RAB3C: variants seen among roughly 807,000 people sequenced by gnomAD.
RAB3C encodes RAB3C, member RAS oncogene family.
Under a neutral mutation model 26.4 loss-of-function variants are expected in RAB3C, and 17 were observed. The ratio of observed to expected loss-of-function variants is 0.64; its 90% CI spans 0.44 to 0.97. The LOEUF is 0.97. Among genes scored for constraint, RAB3C ranks in the 50% least tolerant of loss-of-function variants. The probability of loss-of-function intolerance (pLI) is 0.00; values close to 1 mark genes in which losing one functional copy is unlikely to be tolerated. For missense variants in RAB3C, 242 were observed against 281.9 expected (o/e 0.86, Z 1.01); for synonymous variants, 91 against 95.9 (o/e 0.95, Z 0.30).
chr5:58,768,126 G>C (rs1741948038), intron 3 of RAB3C, among the ~76,000 whole-genome samples: 1 of 152,184 alleles, frequency 6.6e-6, no homozygotes, highest in South Asian at 2.1e-4. Flanking sequence ...AGACAGGTCA[G>C]AGTGGAAGGC....
intron 2 of RAB3C, among the ~76,000 whole-genome samples, chr5:58,687,742 G>T (rs1280313831): frequency 6.6e-6 from 1 of 152,086 alleles, no homozygotes; most frequent in Non-Finnish European, 1.5e-5. Flanking sequence ...CATTAGTGCA[G>T]TTCATCCTAC....
chr5:58,645,937 C>A (rs762681310), intron 2 of RAB3C, among the ~76,000 whole-genome samples: 137 of 152,266 alleles, frequency 9.0e-4, no homozygotes, highest in African/African-American at 2.5e-3. Context: ...GAGACTGATT[C>A]CAGAAACAAA....
At chr5:58,593,827 A>G (rs537345423) in intron 1 of RAB3C, among the ~76,000 whole-genome samples, 1 of 152,308 alleles carries the variant, frequency 6.6e-6, no homozygotes, top group Admixed American at 6.5e-5. Flanking sequence ...TCAGTCCTCT[A>G]GTGAATGGTG....
intron 2 of RAB3C, among the ~76,000 whole-genome samples, chr5:58,701,203 A>G (rs1481818746): frequency 1.3e-5 from 2 of 151,990 alleles, no homozygotes; most frequent in African/African-American, 2.4e-5. Context: ...GGGTTTCACC[A>G]TGTTAGCCAG....
chr5:58,738,983 T>A (rs1741215769), intron 3 of RAB3C, among the ~76,000 whole-genome samples: 1 of 152,212 alleles, frequency 6.6e-6, no homozygotes, highest in African/African-American at 2.4e-5. Context: ...GAAGTTTTGA[T>A]AAGAGCCTAT....
chr5:58,822,873 A>G, intron 3 of RAB3C: 1 of 638,514 alleles, frequency 1.6e-6, no homozygotes, highest in Non-Finnish European at 3.0e-6. Context: ...TATGAAGGCC[A>G]AGTGGAGATG....
chr5:58,729,706 A>T (rs1430598993), intron 3 of RAB3C, among the ~76,000 whole-genome samples: 1 of 148,064 alleles, frequency 6.8e-6, no homozygotes, highest in Non-Finnish European at 1.5e-5. Flanking sequence ...CATTGTGTGT[A>T]TGTGTATATA....
At chr5:58,769,668 G>A (rs887566768) in intron 3 of RAB3C, among the ~76,000 whole-genome samples, 1 of 152,172 alleles carries the variant, frequency 6.6e-6, no homozygotes, top group Non-Finnish European at 1.5e-5. Context: ...TTATGAACCT[G>A]CTATTCAACT....
chr5:58,799,527 T>C (rs1333090624), intron 3 of RAB3C, among the ~76,000 whole-genome samples: 1 of 152,178 alleles, frequency 6.6e-6, no homozygotes, highest in Non-Finnish European at 1.5e-5. Context: ...GAATAATCAA[T>C]GTGAACACAA....
chr5:58,716,053 AAT>A (rs1483821461), intron 2 of RAB3C, among the ~76,000 whole-genome samples: 56 of 138,976 alleles, frequency 4.0e-4, no homozygotes, highest in African/African-American at 1.7e-3. Context: ...AAGGAAAAAA[AAT>A]AATAAATAAA....
chr5:58,770,198 G>A (rs908468163), intron 3 of RAB3C, among the ~76,000 whole-genome samples: 1 of 152,170 alleles, frequency 6.6e-6, no homozygotes, highest in African/African-American at 2.4e-5. Flanking sequence ...ACAGCAGGTT[G>A]TTAGGTATTC....
rs762376763 is a variant in RAB3C, at chr5:58,583,241, A to G, written c.24+9A>G. 2 of 1,614,226 alleles carry G rather than the reference A, an allele frequency of 1.2e-6. No individual in the cohort carries two copies. Among genetic ancestry groups the G allele is most frequent in the African/African-American group, 2.7e-5 (2 of 75,082 alleles). On this transcript the variant is annotated intron_variant, in intron 1 of 4. Coordinates refer to ENST00000282878, the MANE Select transcript of RAB3C (RefSeq NM_138453.4). ...ACGAAGCGCCCATGCAGGTGGGTCC[A>G]TAAAGAAAGAGTGGCCTCGGGAGGA... is the stretch of plus-strand genomic sequence containing the variant.
At chr5:58,814,959 G>C (rs970524940) in intron 3 of RAB3C, among the ~76,000 whole-genome samples, 4 of 152,052 alleles carry the variant, frequency 2.6e-5, no homozygotes, top group Admixed American at 2.0e-4. Flanking sequence ...TTGAGCTCTC[G>C]AAATATGTTC....
intron 4 of RAB3C, among the ~76,000 whole-genome samples, chr5:58,841,287 CT>C: frequency 6.6e-6 from 1 of 152,308 alleles, no homozygotes; most frequent in East Asian, 1.9e-4. Flanking sequence ...GATTGCTATA[CT>C]CTTCCCCCAG....
intron 3 of RAB3C, among the ~76,000 whole-genome samples, chr5:58,821,052 TATACAGTCAGG>T (rs1252747004): frequency 6.6e-6 from 1 of 152,198 alleles, no homozygotes; most frequent in Non-Finnish European, 1.5e-5. Context: ...GACTTGGGTT[TATACAGTCAGG>T]GGTGCAGTAG....
At chr5:58,605,639 T>A (rs1328332976) in intron 1 of RAB3C, among the ~76,000 whole-genome samples, 1 of 152,174 alleles carries the variant, frequency 6.6e-6, no homozygotes, top group Admixed American at 6.5e-5. Context: ...GGCTCACACC[T>A]GTAATCCTAG....
At chr5:58,832,864 C>T (rs1278800313) in intron 4 of RAB3C, among the ~76,000 whole-genome samples, 1 of 152,112 alleles carries the variant, frequency 6.6e-6, no homozygotes, top group East Asian at 1.9e-4. Flanking sequence ...GGGCTTTGTC[C>T]TATACATGCT....
chr5:58,803,813 C>G (rs1242132836), intron 3 of RAB3C, among the ~76,000 whole-genome samples: 1 of 152,162 alleles, frequency 6.6e-6, no homozygotes, highest in East Asian at 1.9e-4. Context: ...GTAATCCCAA[C>G]ACTTTGGGAG....
At chr5:58,648,821 G>A (rs2111781936) in intron 2 of RAB3C, among the ~76,000 whole-genome samples, 1 of 152,256 alleles carries the variant, frequency 6.6e-6, no homozygotes, top group South Asian at 2.1e-4. Flanking sequence ...TTAATTCTGA[G>A]TCATGTAAAG....
Sources: gnomAD v4.1 joint callset for allele counts (sites outside exome capture counted in the v4.1 genomes callset) on GRCh38, gnomAD v4.1.1 for gene constraint, MANE v1.5 for transcripts, NCBI Gene and HGNC (gene_info 2026-07-23, HGNC 2026-07-21) for gene names.